The following GMPPB variants were observed in gnomAD, a reference collection of about 807,000 sequenced individuals.
The protein encoded by GMPPB is mannose-1-phosphate guanylyltransferase catalytic subunit beta.
GMPPB carries 38 observed loss-of-function variants against 40.3 expected under a neutral mutation model. The observed-to-expected ratio is 0.94, with a 90% CI of 0.73 to 1.24. GMPPB has a LOEUF of 1.24. GMPPB is among the 50% of genes most tolerant of loss of function. The pLI, the probability that GMPPB is intolerant of heterozygous loss-of-function variation, is 0.00. For synonymous variants in GMPPB, 193 were observed against 191.8 expected, an observed-to-expected ratio of 1.01 and a Z score of -0.05; for missense variants, 436 against 487.1, an observed-to-expected ratio of 0.90 and a Z score of 0.99.
chr3:49,723,428 C>T lies in GMPPB; in HGVS notation c.174G>A (p.Gln58=). ...GTGCCTTCATTTCCTTCTCCAGCAC[C>T]TGCGACATGTAGCTCACGGCCAGGA... ...HVILAVSYMS[Q]VLEKEMKAQE... The change falls in exon 2 of 9, where the codon CAG becomes CAA. Residue 58 remains glutamine (Q), a synonymous_variant. Transcript: ENST00000308388. 6.2e-7 allele frequency: 1 copy of T among 1,614,170 alleles called. No homozygotes were observed. Among genetic ancestry groups the T allele is most frequent in the African/African-American group, 1.3e-5 (1 of 75,074 alleles).
At chr3:49,723,343 G>A in intron 2 of GMPPB, 41 bp from the exon 3 acceptor site, 1 of 1,614,096 alleles carries the variant, frequency 6.2e-7, no homozygotes, top group Non-Finnish European at 8.5e-7. Flanking sequence ...CTACCAGGAT[G>A]GGAAGTTGGG....
chr3:49,720,331 A>G lies in GMPPB; in HGVS notation c.*1421T>C. ...ACTCGTCTCAAGAAAAAAAAAAAAA[A>G]AACAGGCTGTGTGGCACCTTACTAG... On this transcript the variant is annotated 3_prime_UTR_variant, in exon 9 of 9. Coordinates refer to ENST00000308388, the MANE Select transcript of GMPPB (RefSeq NM_021971.4). 1 of 507,094 alleles carries G rather than the reference A, an allele frequency of 2.0e-6. No homozygotes were observed. Among genetic ancestry groups the G allele is most frequent in the Non-Finnish European group, 3.2e-6 (1 of 314,778 alleles). 31.4% of individuals were successfully genotyped at this position (507,094 alleles called of 1,614,324 possible).
chr3:49,721,209 GAAC>G lies in GMPPB; in HGVS notation c.*540_*542del, dbSNP rs766199435. 10 of 1,614,074 alleles carry G rather than the reference GAAC, an allele frequency of 6.2e-6. No homozygotes were observed. The highest frequency in any genetic ancestry group is 1.3e-5 in the African/African-American group (1 of 74,918). ...GAGCCTGTATCAACCAGCACCTGAT[GAAC>G]AACAAGGACTGCTTCTTCTGCAAAA... is the stretch of plus-strand genomic sequence containing the variant. On this transcript the variant is annotated 3_prime_UTR_variant, in exon 9 of 9. Transcript: ENST00000308388.
At chr3:49,721,915 C>T in intron 8 of GMPPB, 32 bp from the exon 9 acceptor site, 1 of 1,613,844 alleles carries the variant, frequency 6.2e-7, no homozygotes, top group Non-Finnish European at 8.5e-7. Flanking sequence ...GTCAGGGAGG[C>T]AGGCACACTC....
rs2080378074 is a variant in GMPPB at position 49,720,478 on chromosome 3, C to T, written c.*1274G>A. ...AGAGACTTTTAGCCAGGCCCCAAGC[C>T]TTCTGACTGCCCTTGCACCCTCCCC... On this transcript the variant is annotated 3_prime_UTR_variant, in exon 9 of 9. Transcript: ENST00000308388. 11 of 1,517,754 alleles carry T rather than the reference C, an allele frequency of 7.2e-6. 1 individual carries two copies. The East Asian group carries it at 2.3e-4, about 31-fold the overall frequency. 94.0% of individuals were successfully genotyped at this position (1,517,754 alleles called of 1,614,324 possible).
chr3:49,721,979 G>T lies in GMPPB; in HGVS notation c.937C>A (p.Arg313Ser). The T allele has an allele frequency of 1.4e-6, 2 of 1,433,216 alleles. No homozygotes were observed. The highest frequency in any genetic ancestry group is 2.3e-5 in the South Asian group (2 of 88,522). 88.8% of individuals were successfully genotyped at this position (1,433,216 alleles called of 1,614,324 possible). Reference protein sequence around the residue: ...LESCIVGWRCRVGQWVRMENV... With the variant: ...LESCIVGWRCSVGQWVRMENV... ...CACAGGCTTACCCACTGACCCACGCGGCAGCGCCAGCCCACAATGCAGGAC... is the reference window on the plus strand; with the variant it reads ...CACAGGCTTACCCACTGACCCACGCTGCAGCGCCAGCCCACAATGCAGGAC... Residue 313 changes from arginine to serine, a missense_variant, in exon 8 of 9, where the codon CGC becomes AGC. Arg to Ser is a moderately radical substitution (Grantham distance 110). Transcript: ENST00000308388.
chr3:49,721,215 C>G lies in GMPPB; in HGVS notation c.*537G>C. ...GTATCAACCAGCACCTGATGAACAA[C>G]AAGGACTGCTTCTTCTGCAAAACCA... On this transcript the variant is annotated 3_prime_UTR_variant, in exon 9 of 9. Coordinates refer to ENST00000308388, the MANE Select transcript of GMPPB (RefSeq NM_021971.4). 6.2e-7 allele frequency: 1 copy of G among 1,614,212 alleles called. No homozygotes were observed. Among genetic ancestry groups the G allele is most frequent in the South Asian group, 1.1e-5 (1 of 91,088 alleles).
Position 49,721,826 on chromosome 3 carries a change from A to T in GMPPB, c.1009T>A (p.Tyr337Asn). 1 of 1,609,756 alleles carries T rather than the reference A, an allele frequency of 6.2e-7. No individual in the cohort carries two copies. The highest frequency in any genetic ancestry group is 1.3e-5 in the African/African-American group (1 of 74,998). The change falls in exon 9 of 9, where the codon TAC (tyrosine) becomes AAC (asparagine). Residue 337 changes from tyrosine to asparagine, a missense_variant. Transcript: ENST00000308388. ...GEDVIVNDEL[Y>N]LNGASVLPHK... is the part of the protein sequence containing the mutation. Reference sequence around the variant, plus strand: ...GGCAGCACGCTGGCTCCGTTGAGGTAGAGCTCATCATTAACTATGACGTCC... The same window carrying T: ...GGCAGCACGCTGGCTCCGTTGAGGTTGAGCTCATCATTAACTATGACGTCC...
chr3:49,722,623 C>T lies in GMPPB; in HGVS notation c.534G>A (p.Leu178=). Reference sequence around the variant, plus strand: ...GGATGCGCTGCAGCACTGCAGGGCTCAGGATGTACATGCCTGCGTTGATCT... The same window carrying T: ...GGATGCGCTGCAGCACTGCAGGGCTTAGGATGTACATGCCTGCGTTGATCT... ...SNKINAGMYI[L]SPAVLQRIQL... is the part of the protein sequence containing the mutation. Residue 178 remains leucine, a synonymous_variant, in exon 5 of 9, where the codon CTG becomes CTA. Transcript: ENST00000308388. 1 of 1,614,072 alleles carries T rather than the reference C, an allele frequency of 6.2e-7. No homozygotes were observed. The highest frequency in any genetic ancestry group is 1.1e-5 in the South Asian group (1 of 91,074).
chr3:49,721,228 T>C lies in GMPPB; in HGVS notation c.*524A>G. ...CCTGATGAACAACAAGGACTGCTTC[T>C]TCTGCAAAACCACCATCGTGTCTGT... On this transcript the variant is annotated 3_prime_UTR_variant, in exon 9 of 9. Coordinates refer to ENST00000308388, the MANE Select transcript of GMPPB (RefSeq NM_021971.4). The C allele has an allele frequency of 6.2e-7, 1 of 1,614,256 alleles. No homozygotes were observed. The highest frequency in any genetic ancestry group is 8.5e-7 in the Non-Finnish European group (1 of 1,180,034).
chr3:49,720,999 C>G lies in GMPPB; in HGVS notation c.*753G>C. The stretch of plus-strand genomic sequence containing the variant: ...AGCCAGGCATCCAACTCCAGCCCAC[C>G]CTTCACTCTCCTCCCTGCAGCCCAC... On this transcript the variant is annotated 3_prime_UTR_variant, in exon 9 of 9. Coordinates refer to ENST00000308388, the MANE Select transcript of GMPPB (RefSeq NM_021971.4). 6.2e-7 allele frequency: 1 copy of G among 1,609,446 alleles called. No individual in the cohort carries two copies. The highest frequency in any genetic ancestry group is 1.3e-5 in the African/African-American group (1 of 74,986).
At chr3:49,722,789 A>C in intron 4 of GMPPB, 35 bp from the exon 5 acceptor site, 1 of 1,593,680 alleles carries the variant, frequency 6.3e-7, no homozygotes, top group Non-Finnish European at 8.5e-7. Flanking sequence ...GACCTAGTCC[A>C]GTGTTCCTAA....
Position 49,723,029 on chromosome 3 carries a change from G to A in GMPPB, c.345C>T (p.Phe115=), listed in dbSNP as rs1222384304. Residue 115 remains phenylalanine, a synonymous_variant, in exon 4 of 9, where the codon TTC becomes TTT. Transcript: ENST00000308388. ...GGAACTGCACCATGGCTTGGAAGGG[G>A]AAATCGCAGATCACGTCACTGTTGA... ...FVLNSDVICD[F]PFQAMVQFHR... is the part of the protein sequence containing the mutation. 6.2e-7 allele frequency: 1 copy of A among 1,613,722 alleles called. No homozygotes were observed. Among genetic ancestry groups the A allele is most frequent in the Non-Finnish European group, 8.5e-7 (1 of 1,179,800 alleles).
Position 49,722,078 on chromosome 3 carries a change from C to A in GMPPB, c.838G>T (p.Val280Phe). The stretch of plus-strand genomic sequence containing the variant: ...CGCCGGATACACACACCATCTTCGA[C>A]CACCACGCCAGGTCCCAGGCTCACA... ...PNVSLGPGVV[V>F]EDGVCIRRCT... Residue 280 changes from valine (V) to phenylalanine (F), a missense_variant, in exon 8 of 9, where the codon GTC becomes TTC. By Grantham distance (50) the Val-to-Phe change is conservative (BLOSUM62 -1). Coordinates refer to ENST00000308388, the MANE Select transcript of GMPPB (RefSeq NM_021971.4). The A allele has an allele frequency of 6.2e-7, 1 of 1,613,634 alleles. No homozygotes were observed. Among genetic ancestry groups the A allele is most frequent in the Non-Finnish European group, 8.5e-7 (1 of 1,180,032 alleles).
In GMPPB at chr3:49,720,596, C is replaced by G; in HGVS notation, c.*1156G>C. On this transcript the variant is annotated 3_prime_UTR_variant, in exon 9 of 9. Transcript: ENST00000308388. ...CTATCTCCTGGGACAGCCAGAGCCC[C>G]CAGCACCTGGCACTGCTCTGCCAGC... The G allele has an allele frequency of 6.2e-7, 1 of 1,611,418 alleles. No homozygotes were observed. The highest frequency in any genetic ancestry group is 8.5e-7 in the Non-Finnish European group (1 of 1,178,322).
intron 4 of GMPPB, 90 bp downstream of exon 4, chr3:49,722,882 T>A: frequency 6.6e-7 from 1 of 1,525,108 alleles, no homozygotes; most frequent in Admixed American, 1.8e-5. Context: ...TCTGTATCCA[T>A]AACATCCGAA....
At position 49,723,868 on chromosome 3, in the gene GMPPB, T is replaced by TCCGC; in HGVS notation, c.-146_-143dup. 15 of 964,802 alleles carry TCCGC rather than the reference T, an allele frequency of 1.6e-5. No individual in the cohort carries two copies. In the South Asian group the frequency reaches 2.5e-4, roughly 16 times the overall value. 59.8% of individuals were successfully genotyped at this position (964,802 alleles called of 1,614,324 possible). On this transcript the variant is annotated 5_prime_UTR_variant, in exon 1 of 9. Transcript: ENST00000308388. ...CCTGACAGACTCTGGCTCCACCTCG[T>TCCGC]CCGCCCGGTCGCCCTGACGCCGGAT...
chr3:49,723,597 CCGCG>C lies in GMPPB; in HGVS notation c.126_129del (p.Ala43GlnfsTer6). ...ACTCTGATCCCGACCCAGGGTCTTA[CCGCG>C]GCTAGCGCCTCCACTTGGTGCAGCA... is the stretch of plus-strand genomic sequence containing the variant. On this transcript the variant is annotated frameshift_variant and splice_region_variant, in exon 1 of 9. Transcript: ENST00000308388. LOFTEE classifies it high-confidence loss of function. 1.3e-6 allele frequency: 2 copies of C among 1,592,682 alleles called. No individual in the cohort carries two copies. The highest frequency in any genetic ancestry group is 4.5e-5 in the East Asian group (2 of 44,610).
rs1332131598 is a variant in GMPPB at position 49,720,709 on chromosome 3, C to T, written c.*1043G>A. ...ATCTGGGGCTGGGTCGGGTCAGGAG[C>T]CTTAAGAACAGCAAAGTCCTAGGCT... On this transcript the variant is annotated 3_prime_UTR_variant, in exon 9 of 9. Transcript: ENST00000308388. 1.2e-6 allele frequency: 2 copies of T among 1,602,916 alleles called. No homozygotes were observed. Among genetic ancestry groups the T allele is most frequent in the Non-Finnish European group, 1.7e-6 (2 of 1,171,248 alleles).
Sources: gnomAD v4.1 joint callset for allele counts on GRCh38, gnomAD v4.1.1 for gene constraint, MANE v1.5 for transcripts, NCBI Gene and HGNC (gene_info 2026-07-23, HGNC 2026-07-21) for gene names.